Variants in ST6GALNAC5 observed in about 807,000 individuals in gnomAD.
ST6GALNAC5 encodes ST6 N-acetylgalactosaminide alpha-2,6-sialyltransferase 5.
ST6GALNAC5 carries 27 observed loss-of-function variants against 33.6 expected under a neutral mutation model. The observed-to-expected ratio is 0.80, with a 90% confidence interval of 0.59 to 1.11. The LOEUF is 1.11. Ranked by LOEUF, ST6GALNAC5 falls within the 50% of genes least tolerant of loss-of-function variation. ST6GALNAC5 has a pLI of 0.00. For synonymous variants in ST6GALNAC5, 194 were observed against 171.2 expected, an observed-to-expected ratio of 1.13 and a Z score of -1.04; for missense variants, 428 against 454.0, an observed-to-expected ratio of 0.94 and a Z score of 0.52.
chr1:76,955,198 A>G (rs976632596), intron 2 of ST6GALNAC5, among the ~76,000 whole-genome samples: 1 of 152,320 alleles, frequency 6.6e-6, no homozygotes, highest in Middle Eastern at 3.4e-3. Context: ...GCAGCTATTC[A>G]TATTACTGCA....
At chr1:76,956,289 G>A (rs1570706178) in intron 2 of ST6GALNAC5, among the ~76,000 whole-genome samples, 3 of 150,172 alleles carry the variant, frequency 2.0e-5, no homozygotes, top group South Asian at 4.2e-4. Flanking sequence ...AAAAAAAAAA[G>A]AAAAGAAAGC....
chr1:76,910,037 A>C (rs1646896315), intron 2 of ST6GALNAC5, among the ~76,000 whole-genome samples: 1 of 152,078 alleles, frequency 6.6e-6, no homozygotes, highest in South Asian at 2.1e-4. Context: ...ACTGGGAAAC[A>C]AATTTTAAGG....
At chr1:76,891,617 C>CT (rs1654014024) in intron 2 of ST6GALNAC5, among the ~76,000 whole-genome samples, 1 of 152,148 alleles carries the variant, frequency 6.6e-6, no homozygotes, top group Admixed American at 6.5e-5. Flanking sequence ...TTTTGTCTCA[C>CT]TTATACTTTT....
chr1:77,023,088 G>T (rs949665568), intron 2 of ST6GALNAC5, among the ~76,000 whole-genome samples: 1 of 152,176 alleles, frequency 6.6e-6, no homozygotes, highest in Admixed American at 6.5e-5. Context: ...ACAGGCCAAG[G>T]GACCATGTGA....
At chr1:76,892,011 C>T (rs6703662) in intron 2 of ST6GALNAC5, among the ~76,000 whole-genome samples, 63,536 of 152,008 alleles carry the variant, frequency 0.42, 13,563 homozygotes, top group Non-Finnish European at 0.45. Flanking sequence ...TAATGATCTG[C>T]TATTTCCAAA....
intron 2 of ST6GALNAC5, among the ~76,000 whole-genome samples, chr1:77,037,435 CTA>C (rs1291184806): frequency 6.6e-6 from 1 of 152,086 alleles, no homozygotes; most frequent in Non-Finnish European, 1.5e-5. Context: ...GTTGAAAAAA[CTA>C]TTGAGTACTA....
chr1:77,032,253 T>C (rs566206871), intron 2 of ST6GALNAC5, among the ~76,000 whole-genome samples: 1 of 152,104 alleles, frequency 6.6e-6, no homozygotes, highest in South Asian at 2.1e-4. Context: ...ATGAGAGGCA[T>C]GAGATACAGA....
At chr1:77,023,150 G>A (rs572904032) in intron 2 of ST6GALNAC5, among the ~76,000 whole-genome samples, 125 of 152,312 alleles carry the variant, frequency 8.2e-4, no homozygotes, top group African/African-American at 2.8e-3. Flanking sequence ...GGACTCAGAA[G>A]AAACCCAATC....
intron 2 of ST6GALNAC5, among the ~76,000 whole-genome samples, chr1:76,949,603 T>G (rs960633589): frequency 2.6e-5 from 4 of 152,106 alleles, no homozygotes; most frequent in African/African-American, 9.7e-5. Flanking sequence ...GACACCCTGT[T>G]ATTCTGGGCA....
chr1:76,896,658 G>A (rs561537116), intron 2 of ST6GALNAC5, among the ~76,000 whole-genome samples: 365 of 152,316 alleles, frequency 2.4e-3, no homozygotes, highest in African/African-American at 8.3e-3. Context: ...TGGGAGGCCA[G>A]ATTGAAGTCC....
At chr1:76,908,242 G>A (rs1184968427) in intron 2 of ST6GALNAC5, among the ~76,000 whole-genome samples, 3 of 152,064 alleles carry the variant, frequency 2.0e-5, no homozygotes, top group Non-Finnish European at 2.9e-5. Context: ...AGTTCTGGAG[G>A]CTGGGAAGTC....
At chr1:77,016,081 T>C (rs1650822199) in intron 2 of ST6GALNAC5, among the ~76,000 whole-genome samples, 1 of 135,084 alleles carries the variant, frequency 7.4e-6, no homozygotes, top group African/African-American at 2.9e-5. Context: ...CCCCTCCTTC[T>C]CCACTCCTCC....
At chr1:77,008,561 A>G (rs946682652) in intron 2 of ST6GALNAC5, among the ~76,000 whole-genome samples, 1 of 151,952 alleles carries the variant, frequency 6.6e-6, no homozygotes, top group African/African-American at 2.4e-5. Context: ...ATGGAGTCTC[A>G]CTCTGCCTCC....
intron 2 of ST6GALNAC5, among the ~76,000 whole-genome samples, chr1:77,031,805 C>T (rs576026992): frequency 6.6e-6 from 1 of 152,210 alleles, no homozygotes; most frequent in Admixed American, 6.5e-5. Flanking sequence ...TGTATTAGGT[C>T]CTGGGGATAT....
chr1:76,972,972 T>C (rs1648823640), intron 2 of ST6GALNAC5, among the ~76,000 whole-genome samples: 1 of 151,998 alleles, frequency 6.6e-6, no homozygotes, highest in African/African-American at 2.4e-5. Flanking sequence ...TTTGCCCATT[T>C]TTCCATTGGT....
At chr1:76,920,314 A>G (rs550119249) in intron 2 of ST6GALNAC5, among the ~76,000 whole-genome samples, 1 of 152,310 alleles carries the variant, frequency 6.6e-6, no homozygotes, top group South Asian at 2.1e-4. Flanking sequence ...GTGACTTTCC[A>G]TGAATCAGTC....
At chr1:76,871,042 C>T (rs1037424566) in intron 2 of ST6GALNAC5, among the ~76,000 whole-genome samples, 1 of 152,218 alleles carries the variant, frequency 6.6e-6, no homozygotes, top group East Asian at 1.9e-4. Flanking sequence ...TATGAAGGTG[C>T]ATGTGTAAAA....
intron 3 of ST6GALNAC5, among the ~76,000 whole-genome samples, chr1:77,049,405 T>C (rs181495043): frequency 1.3e-5 from 2 of 152,122 alleles, no homozygotes; most frequent in Non-Finnish European, 2.9e-5. Flanking sequence ...CCCCGAAGAA[T>C]TGAAATTAAT....
chr1:76,980,590 A>G (rs183106570), intron 2 of ST6GALNAC5, among the ~76,000 whole-genome samples: 2 of 152,328 alleles, frequency 1.3e-5, no homozygotes, highest in East Asian at 3.9e-4. Flanking sequence ...AAAAACAGAA[A>G]GAAGAAAATT....
Sources: gnomAD v4.1 joint callset for allele counts (sites outside exome capture counted in the v4.1 genomes callset) on GRCh38, gnomAD v4.1.1 for gene constraint, MANE v1.5 for transcripts, NCBI Gene and HGNC (gene_info 2026-07-23, HGNC 2026-07-21) for gene names.